Variants in RXFP1 observed in about 807,000 individuals in gnomAD.
RXFP1 encodes relaxin receptor 1.
Under a neutral mutation model 89.8 loss-of-function variants are expected in RXFP1, and 73 were observed. That is an observed-to-expected ratio of 0.81 (90% CI 0.67 to 0.99). The LOEUF is 0.99. Among genes scored for constraint, RXFP1 ranks in the 50% least tolerant of loss-of-function variants. The probability of loss-of-function intolerance (pLI) is 0.00; values close to 1 mark genes in which losing one functional copy is unlikely to be tolerated. For missense variants in RXFP1, 793 were observed against 895.5 expected, an observed-to-expected ratio of 0.89 and a Z score of 1.46; for synonymous variants, 277 against 305.5, an observed-to-expected ratio of 0.91 and a Z score of 0.97.
chr4:158,634,492 T>A (rs998733143), intron 12 of RXFP1, among the ~76,000 whole-genome samples: 1 of 152,196 alleles, frequency 6.6e-6, no homozygotes, highest in African/African-American at 2.4e-5. Flanking sequence ...CACTCTATTA[T>A]GGTGTCCTTT....
chr4:158,623,745 G>T (rs914896826), intron 9 of RXFP1, among the ~76,000 whole-genome samples: 9 of 152,022 alleles, frequency 5.9e-5, no homozygotes, highest in Non-Finnish European at 1.2e-4. Context: ...TTCTGACTAG[G>T]GAGGTCGAAG....
chr4:158,624,621 A>G (rs1766339739), intron 9 of RXFP1, among the ~76,000 whole-genome samples: 1 of 152,206 alleles, frequency 6.6e-6, no homozygotes, highest in Admixed American at 6.5e-5. Context: ...ACTCCATTAA[A>G]GCTTGCAGCT....
chr4:158,632,783 G>T (rs954842293), intron 11 of RXFP1, among the ~76,000 whole-genome samples: 9 of 152,012 alleles, frequency 5.9e-5, no homozygotes, highest in South Asian at 2.1e-4. Flanking sequence ...AATTAAGATC[G>T]CAAACCATGC....
At chr4:158,545,944 G>A (rs1021609050) in intron 1 of RXFP1, among the ~76,000 whole-genome samples, 22 of 151,988 alleles carry the variant, frequency 1.4e-4, no homozygotes, top group Middle Eastern at 3.4e-3. Context: ...CTCTTTTTTC[G>A]TTCCATATGA....
chr4:158,554,576 CA>C (rs1419093085), intron 1 of RXFP1, among the ~76,000 whole-genome samples: 5 of 151,998 alleles, frequency 3.3e-5, no homozygotes, highest in Non-Finnish European at 5.9e-5. Context: ...TTCATTTTTT[CA>C]AATTGTTTAA....
intron 1 of RXFP1, among the ~76,000 whole-genome samples, chr4:158,540,256 G>T (rs932980481): frequency 1.3e-5 from 2 of 152,098 alleles, no homozygotes; most frequent in African/African-American, 2.4e-5. Flanking sequence ...CTTATTTCTT[G>T]ATTCTATGCT....
At chr4:158,526,131 G>A (rs780849066) in intron 1 of RXFP1, among the ~76,000 whole-genome samples, 5 of 152,328 alleles carry the variant, frequency 3.3e-5, no homozygotes, top group Middle Eastern at 3.4e-3. Context: ...CATGCTAGGC[G>A]TTTATATATC....
intron 1 of RXFP1, among the ~76,000 whole-genome samples, chr4:158,555,539 C>A (rs1751084883): frequency 6.6e-6 from 1 of 152,176 alleles, no homozygotes; most frequent in Non-Finnish European, 1.5e-5. Flanking sequence ...AATAGCCGCA[C>A]ACAGGTTACA....
Position 158,646,995 on chromosome 4 carries a change from C to A in RXFP1, c.1550C>A (p.Pro517His). The A allele has an allele frequency of 6.2e-7, 1 of 1,614,000 alleles. No homozygotes were observed. Among genetic ancestry groups the A allele is most frequent in the Non-Finnish European group, 8.5e-7 (1 of 1,179,906 alleles). ...GAAAAATACATCTGCATTGTCTATC[C>A]TTTTAGATGTGTGAGACCTGGAAAA... ...TLEKYICIVY[P>H]FRCVRPGKCR... Residue 517 changes from proline to histidine, a missense_variant, in exon 16 of 18, where the codon CCT becomes CAT. Pro to His is a moderately conservative substitution (Grantham distance 77, BLOSUM62 -2). Coordinates refer to ENST00000307765, the MANE Select transcript of RXFP1 (RefSeq NM_021634.4).
intron 1 of RXFP1, among the ~76,000 whole-genome samples, chr4:158,538,566 C>T (rs186908058): frequency 8.0e-4 from 122 of 152,252 alleles, no homozygotes; most frequent in African/African-American, 2.7e-3. Flanking sequence ...GTAATCCCAA[C>T]ACTTTAGGAA....
At chr4:158,577,120 C>A (rs185876423) in intron 2 of RXFP1, among the ~76,000 whole-genome samples, 1 of 152,194 alleles carries the variant, frequency 6.6e-6, no homozygotes, top group African/African-American at 2.4e-5. Context: ...CTCACTGCAA[C>A]CTCTGCCTCC....
intron 1 of RXFP1, chr4:158,543,786 A>T (rs1747459598): frequency 1.0e-6 from 1 of 985,186 alleles, no homozygotes; most frequent in Admixed American, 6.2e-5. Flanking sequence ...AGAATCAAAT[A>T]GTATTACAAC....
chr4:158,561,043 C>T (rs1013919466), intron 1 of RXFP1, among the ~76,000 whole-genome samples: 15 of 152,170 alleles, frequency 9.9e-5, no homozygotes, highest in African/African-American at 3.4e-4. Context: ...AATTCAAAAA[C>T]CGTGTTTGCC....
intron 1 of RXFP1, among the ~76,000 whole-genome samples, chr4:158,568,413 G>A (rs73860526): frequency 3.9e-5 from 6 of 152,226 alleles, no homozygotes; most frequent in Non-Finnish European, 1.5e-5. Flanking sequence ...AACACAGGCA[G>A]GTATGGCCAG....
intron 4 of RXFP1, among the ~76,000 whole-genome samples, chr4:158,600,329 C>A (rs1157491669): frequency 6.7e-6 from 1 of 149,142 alleles, no homozygotes; most frequent in Non-Finnish European, 1.5e-5. Flanking sequence ...ACTCAGAGTT[C>A]CTGTGCATAG....
At chr4:158,580,086 T>C (rs773927884) in intron 2 of RXFP1, among the ~76,000 whole-genome samples, 3 of 152,178 alleles carry the variant, frequency 2.0e-5, no homozygotes, top group African/African-American at 4.8e-5. Context: ...AGAGCCTTTA[T>C]TGGGGTTTCT....
intron 6 of RXFP1, among the ~76,000 whole-genome samples, chr4:158,608,593 A>G (rs1184292835): frequency 6.6e-6 from 1 of 152,192 alleles, no homozygotes; most frequent in Non-Finnish European, 1.5e-5. Flanking sequence ...TGTAAGGTTA[A>G]AGAAATAAAG....
Position 158,651,730 on chromosome 4 carries a change from T to C in RXFP1, c.1976-27T>C, listed in dbSNP as rs748028076. On this transcript the variant is annotated intron_variant, in intron 17 of 17. Transcript: ENST00000307765. ...ATACCTTGTAAACATCTATAAACAC[T>C]AAAACTATTTCATTTTTCTTTTTTA... 2.6e-6 allele frequency: 4 copies of C among 1,557,804 alleles called. No homozygotes were observed. In the South Asian group the frequency reaches 4.8e-5, roughly 19 times the overall value.
rs567958862 is a variant in RXFP1, at chr4:158,615,818, G to A, written c.681-1313G>A. On this transcript the variant is annotated intron_variant, in intron 8 of 17. Transcript: ENST00000307765. The stretch of plus-strand genomic sequence containing the variant: ...TTGTTTTTAGTTAGCAGAGCATGGC[G>A]ACACATGCCTGTAGTCCCAGCTACT... Among the ~76,000 whole-genome samples, 22 of 152,074 alleles carry A rather than the reference G, an allele frequency of 1.4e-4. 1 individual carries two copies. The highest frequency in any genetic ancestry group is 3.9e-4 in the African/African-American group (16 of 41,472).
Sources: allele counts gnomAD v4.1 joint callset (sites outside exome capture counted in the v4.1 genomes callset), GRCh38; gene constraint gnomAD v4.1.1; transcripts MANE v1.5; gene names NCBI Gene and HGNC (gene_info 2026-07-23, HGNC 2026-07-21).